The following UBE2E3 variants were observed in gnomAD, a reference collection of about 807,000 sequenced individuals.
UBE2E3 encodes ubiquitin-conjugating enzyme E2 E3.
Under a neutral mutation model 23.6 loss-of-function variants are expected in UBE2E3, and 5 were observed. The observed-to-expected ratio is 0.21, with a 90% confidence interval of 0.11 to 0.44. The LOEUF (loss-of-function observed/expected upper bound fraction) is 0.44, where lower values mean the gene tolerates loss of function less well. Among genes scored for constraint, UBE2E3 ranks in the 20% least tolerant of loss-of-function variants. UBE2E3 has a pLI of 0.99. For missense variants in UBE2E3, 81 were observed against 249.8 expected (o/e 0.32, Z 4.55); for synonymous variants, 78 against 87.5 (o/e 0.89, Z 0.60).
At chr2:181,055,568 G>A (rs1274365181) in intron 3 of UBE2E3, among the ~76,000 whole-genome samples, 1 of 151,702 alleles carries the variant, frequency 6.6e-6, no homozygotes, top group Non-Finnish European at 1.5e-5. Context: ...GCCTTCACTT[G>A]TCCTAAACTA....
intron 3 of UBE2E3, among the ~76,000 whole-genome samples, chr2:180,988,636 C>T (rs1192953830): frequency 1.3e-5 from 2 of 152,044 alleles, no homozygotes; most frequent in Non-Finnish European, 2.9e-5. Flanking sequence ...ATTACCTAAC[C>T]CCATAGCATT....
intron 3 of UBE2E3, among the ~76,000 whole-genome samples, chr2:180,996,222 G>A (rs1377608880): frequency 6.6e-6 from 1 of 152,120 alleles, no homozygotes; most frequent in East Asian, 1.9e-4. Context: ...CTTAACCATT[G>A]CTCTAGGTAT....
chr2:180,997,143 A>G (rs972602366), intron 3 of UBE2E3, among the ~76,000 whole-genome samples: 8 of 151,212 alleles, frequency 5.3e-5, no homozygotes, highest in East Asian at 1.9e-4. Context: ...TCTCTCTTCA[A>G]TTATTTAACC....
At chr2:181,041,356 A>G (rs1386300577) in intron 3 of UBE2E3, among the ~76,000 whole-genome samples, 1 of 151,888 alleles carries the variant, frequency 6.6e-6, no homozygotes, top group Admixed American at 6.6e-5. Flanking sequence ...AGCTTAGAAC[A>G]TACTACTTTT....
At chr2:181,034,687 A>G (rs1055426983) in intron 3 of UBE2E3, among the ~76,000 whole-genome samples, 1 of 151,938 alleles carries the variant, frequency 6.6e-6, no homozygotes. Context: ...AAAAAAAATT[A>G]AAAAGAAATT....
At chr2:181,031,501 C>T (rs1015476959) in intron 3 of UBE2E3, among the ~76,000 whole-genome samples, 2 of 151,936 alleles carry the variant, frequency 1.3e-5, no homozygotes, top group African/African-American at 4.8e-5. Context: ...TACCACATTA[C>T]TCTGTGTGTT....
intron 3 of UBE2E3, among the ~76,000 whole-genome samples, chr2:180,998,206 G>A (rs1000336214): frequency 6.6e-6 from 1 of 152,006 alleles, no homozygotes; most frequent in Non-Finnish European, 1.5e-5. Context: ...AGAAATACTC[G>A]AGTTTGTATG....
chr2:180,987,221 T>A (rs1445649178), intron 3 of UBE2E3: 29 of 1,113,202 alleles, frequency 2.6e-5, no homozygotes, highest in Non-Finnish European at 3.5e-5. Context: ...TATACATCAA[T>A]GAGAGTCAAG....
At chr2:181,056,371 G>A (rs1182205210) in intron 3 of UBE2E3, among the ~76,000 whole-genome samples, 1 of 151,700 alleles carries the variant, frequency 6.6e-6, no homozygotes, top group East Asian at 1.9e-4. Context: ...TAGGTTATAA[G>A]GAAAAGAGGT....
chr2:181,002,367 G>T (rs1300166041), intron 3 of UBE2E3, among the ~76,000 whole-genome samples: 4 of 152,166 alleles, frequency 2.6e-5, no homozygotes, highest in Non-Finnish European at 5.9e-5. Context: ...GTATGAAAAA[G>T]TATAGAAGGA....
At chr2:181,005,517 T>G (rs1685123752) in intron 3 of UBE2E3, among the ~76,000 whole-genome samples, 1 of 152,102 alleles carries the variant, frequency 6.6e-6, no homozygotes, top group Non-Finnish European at 1.5e-5. Context: ...AAGCTGATGC[T>G]GAGTAGCAAA....
intron 3 of UBE2E3, among the ~76,000 whole-genome samples, chr2:180,987,548 AG>A (rs1684518735): frequency 6.6e-6 from 1 of 152,162 alleles, no homozygotes; most frequent in Admixed American, 6.6e-5. Context: ...GATGTGGGAA[AG>A]GCCATATTGG....
rs888270665 is a variant in UBE2E3 at position 180,991,386 on chromosome 2, T to C, written c.245+7293T>C. Among the ~76,000 whole-genome samples the C allele has an allele frequency of 1.2e-4, 19 of 152,288 alleles. 1 individual carries two copies. Among genetic ancestry groups the C allele is most frequent in the Middle Eastern group, 6.8e-3 (2 of 294 alleles). ...CAGCAAGAGATTAACAACTTCCCAT[T>C]GGCATATCCAAACTGCCAGCATCAC... On this transcript the variant is annotated intron_variant, in intron 3 of 5. Transcript: ENST00000410062.
chr2:181,056,174 G>A (rs1250459796), intron 3 of UBE2E3, among the ~76,000 whole-genome samples: 1 of 151,418 alleles, frequency 6.6e-6, no homozygotes, highest in Non-Finnish European at 1.5e-5. Flanking sequence ...AATAATTTGG[G>A]TATCAAAATA....
At chr2:181,023,578 C>T (rs1206738979) in intron 3 of UBE2E3, among the ~76,000 whole-genome samples, 1 of 152,132 alleles carries the variant, frequency 6.6e-6, no homozygotes, top group Non-Finnish European at 1.5e-5. Flanking sequence ...TTCTTTAACA[C>T]AGCCGCCTGA....
intron 3 of UBE2E3, chr2:180,987,291 G>A (rs1226793532): frequency 6.5e-7 from 1 of 1,543,004 alleles, no homozygotes; most frequent in Admixed American, 2.0e-5. Context: ...GACTAGAATT[G>A]TTTAGTGATG....
In UBE2E3 at chr2:181,036,869, GT is replaced by G. The variant is rs572979409; in HGVS notation, c.246-20821del. Among the ~76,000 whole-genome samples the G allele has an allele frequency of 3.9e-5, 6 of 152,280 alleles. No homozygotes were observed. The South Asian group carries it at 1.2e-3, about 32-fold the overall frequency. ...AATATGACATAGGAACTTAAATCTT[GT>G]TTATGTCAATTAGCCTGTGGTTAAA... On this transcript the variant is annotated intron_variant, in intron 3 of 5. Transcript: ENST00000410062.
chr2:181,055,495 T>C (rs10432490), intron 3 of UBE2E3, among the ~76,000 whole-genome samples: 58,535 of 151,262 alleles, frequency 0.39, 12,027 homozygotes, highest in East Asian at 0.57. Context: ...TTTATGAGAA[T>C]GAAAAGAGGC....
rs766566296 is a variant in UBE2E3, at chr2:180,984,020, GTCTCT to G, written c.195-18_195-14del. On this transcript the variant is annotated intron_variant, in intron 2 of 5. Coordinates refer to ENST00000410062, the MANE Select transcript of UBE2E3 (RefSeq NM_006357.4). ...CTGTAGACTATATCAAATCCTTTTT[GTCTCT>G]TCTCATTTCACTAACAGAATTCAGA... is the stretch of plus-strand genomic sequence containing the variant. The G allele has an allele frequency of 6.2e-7, 1 of 1,600,236 alleles. No homozygotes were observed. The highest frequency in any genetic ancestry group is 8.5e-7 in the Non-Finnish European group (1 of 1,170,428).
Sources: gnomAD v4.1 joint callset for allele counts (sites outside exome capture counted in the v4.1 genomes callset) on GRCh38, gnomAD v4.1.1 for gene constraint, MANE v1.5 for transcripts, NCBI Gene and HGNC (gene_info 2026-07-23, HGNC 2026-07-21) for gene names.